Variants in HAVCR2 observed in about 807,000 individuals in gnomAD.
The protein encoded by HAVCR2 is hepatitis A virus cellular receptor 2.
HAVCR2 carries 13 observed loss-of-function variants against 24.7 expected under a neutral mutation model. The observed-to-expected ratio is 0.53, with a 90% CI of 0.34 to 0.84. HAVCR2 has a LOEUF of 0.84. Among genes scored for constraint, HAVCR2 ranks in the 40% least tolerant of loss-of-function variants. The pLI is 0.01. For synonymous variants in HAVCR2, 154 were observed against 143.4 expected, an observed-to-expected ratio of 1.07 and a Z score of -0.53; for missense variants, 343 against 371.2, an observed-to-expected ratio of 0.92 and a Z score of 0.62.
In HAVCR2 at chr5:157,092,722, A is replaced by G. The variant is rs561907780; in HGVS notation, c.676+2584T>C. Among the ~76,000 whole-genome samples, 169 of 151,862 alleles carry G rather than the reference A, an allele frequency of 1.1e-3. 1 individual carries two copies. Among genetic ancestry groups the G allele is most frequent in the South Asian group, 5.8e-3 (28 of 4,814 alleles). On this transcript the variant is annotated intron_variant, in intron 5 of 6. Coordinates refer to ENST00000307851, the MANE Select transcript of HAVCR2 (RefSeq NM_032782.5). Reference sequence around the variant, plus strand: ...CGGCCTCCCAAAGTGCTAGGATTACAGGCGTAAGCCACCGTGCTCAGCCTC... The same window carrying G: ...CGGCCTCCCAAAGTGCTAGGATTACGGGCGTAAGCCACCGTGCTCAGCCTC...
intron 4 of HAVCR2, among the ~76,000 whole-genome samples, chr5:157,098,555 C>G (rs190128154): frequency 1.1e-4 from 17 of 152,216 alleles, no homozygotes; most frequent in African/African-American, 3.9e-4. Context: ...AATCTTTGAA[C>G]CTTCCACAGG....
chr5:157,092,405 T>C (rs1288098848), intron 5 of HAVCR2, among the ~76,000 whole-genome samples: 1 of 151,978 alleles, frequency 6.6e-6, no homozygotes, highest in Admixed American at 6.6e-5. Context: ...GAGACCAGCT[T>C]GAGCAACATA....
At chr5:157,094,933 G>A (rs1757072273) in intron 5 of HAVCR2, among the ~76,000 whole-genome samples, 1 of 152,138 alleles carries the variant, frequency 6.6e-6, no homozygotes, top group African/African-American at 2.4e-5. Flanking sequence ...ATGAATTAAA[G>A]AAATTAGTTT....
chr5:157,096,636 G>A (rs1245216097), intron 4 of HAVCR2, among the ~76,000 whole-genome samples: 15 of 152,054 alleles, frequency 9.9e-5, no homozygotes. Context: ...AATTAGCCAG[G>A]TGTGGTGGCG....
At chr5:157,096,134 G>A (rs1466353069) in intron 4 of HAVCR2, among the ~76,000 whole-genome samples, 1 of 148,782 alleles carries the variant, frequency 6.7e-6, no homozygotes, top group Non-Finnish European at 1.5e-5. Flanking sequence ...GCTGAGGCAG[G>A]AGAATCACTT....
rs894414229 is a variant in HAVCR2, at chr5:157,085,848, T to G, written c.*1254A>C. On this transcript the variant is annotated 3_prime_UTR_variant, in exon 7 of 7. Coordinates refer to ENST00000307851, the MANE Select transcript of HAVCR2 (RefSeq NM_032782.5). ...CAAACAAAAAACAGTAAAAAAAAAT[T>G]TTTAGTAAGTTCCAATTGTGTGTCA... The G allele has an allele frequency of 6.6e-6, 1 of 151,960 alleles. No homozygotes were observed. The highest frequency in any genetic ancestry group is 2.1e-4 in the South Asian group (1 of 4,810). The allele number at this position is 151,960 out of a possible 1,614,324, so 9.4% of individuals were successfully genotyped here. A position where few individuals can be genotyped will look rare whatever the true frequency, so the allele number is the denominator to read the frequency against.
chr5:157,106,474 G>A, intron 2 of HAVCR2, 153 bp downstream of exon 2: 1 of 638,408 alleles, frequency 1.6e-6, no homozygotes. Context: ...AAATATCACT[G>A]AGCATCACCA....
intron 3 of HAVCR2, among the ~76,000 whole-genome samples, chr5:157,100,046 C>T (rs1339877376): frequency 6.6e-6 from 1 of 152,162 alleles, no homozygotes; most frequent in Admixed American, 6.5e-5. Flanking sequence ...AGAAGGGAGA[C>T]AGGGTTGCCA....
chr5:157,089,206 A>G (rs1561618752), intron 5 of HAVCR2, among the ~76,000 whole-genome samples: 1 of 152,226 alleles, frequency 6.6e-6, no homozygotes, highest in South Asian at 2.1e-4. Context: ...GACCTCTACT[A>G]TGTGTCTGGC....
At chr5:157,098,708 G>T in intron 4 of HAVCR2, 150 bp downstream of exon 4, 1 of 701,590 alleles carries the variant, frequency 1.4e-6, no homozygotes. Context: ...GGTTAGAACT[G>T]TCATCATCAA....
At chr5:157,097,370 T>C (rs1055335830) in intron 4 of HAVCR2, among the ~76,000 whole-genome samples, 6 of 150,724 alleles carry the variant, frequency 4.0e-5, no homozygotes, top group African/African-American at 1.5e-4. Flanking sequence ...TCCTCCTGCC[T>C]CAGCCTCCCA....
intron 5 of HAVCR2, among the ~76,000 whole-genome samples, chr5:157,092,556 C>A (rs1194701559): frequency 6.6e-6 from 1 of 151,980 alleles, no homozygotes; most frequent in Non-Finnish European, 1.5e-5. Flanking sequence ...AAGTGATTCT[C>A]CCACCTCAGC....
Position 157,106,912 on chromosome 5 carries a change from G to A in HAVCR2, c.109C>T (p.Pro37Ser). Residue 37 changes from proline to serine, a missense_variant, in exon 2 of 7, where the codon CCC becomes TCC. Physicochemically the swap from Pro to Ser is moderately conservative, Grantham distance 74. Transcript: ENST00000307851. ...GGGGCGGCTGGGGTGTAGAAGCAGG[G>A]CAGATAGGCATTCTGACCGACCTCC... ...RAEVGQNAYL[P>S]CFYTPAAPGN... 6.2e-7 allele frequency: 1 copy of A among 1,614,182 alleles called. No homozygotes were observed. Among genetic ancestry groups the A allele is most frequent in the Non-Finnish European group, 8.5e-7 (1 of 1,180,028 alleles).
chr5:157,109,020 T>C lies in HAVCR2; in HGVS notation c.-37A>G. The C allele has an allele frequency of 6.3e-7, 1 of 1,593,086 alleles. No individual in the cohort carries two copies. Among genetic ancestry groups the C allele is most frequent in the South Asian group, 1.1e-5 (1 of 90,624 alleles). ...AAGAAAAGTCAGAGGACACCTCTGT[T>C]AGGCACAGTTTTAACTCTCCAAATG... is the stretch of plus-strand genomic sequence containing the variant. On this transcript the variant is annotated 5_prime_UTR_variant, in exon 1 of 7. Coordinates refer to ENST00000307851, the MANE Select transcript of HAVCR2 (RefSeq NM_032782.5).
intron 3 of HAVCR2, among the ~76,000 whole-genome samples, chr5:157,100,186 TAG>T: frequency 6.6e-6 from 1 of 152,214 alleles, no homozygotes; most frequent in Non-Finnish European, 1.5e-5. Flanking sequence ...GCTTCTAAAG[TAG>T]AGACTGTTAG....
At chr5:157,099,030 C>A in intron 3 of HAVCR2, 129 bp from the exon 4 acceptor site, 1 of 780,714 alleles carries the variant, frequency 1.3e-6, no homozygotes, top group Admixed American at 3.2e-5. Flanking sequence ...GAATTCTACT[C>A]CGTACTTGTC....
chr5:157,092,865 A>G (rs1581756289), intron 5 of HAVCR2, among the ~76,000 whole-genome samples: 1 of 133,006 alleles, frequency 7.5e-6, no homozygotes, highest in African/African-American at 2.9e-5. Flanking sequence ...ACATGGCAAA[A>G]CCCTGTCTCT....
chr5:157,087,381 A>G, intron 6 of HAVCR2, 87 bp from the exon 7 acceptor site: 5 of 1,136,862 alleles, frequency 4.4e-6, no homozygotes, highest in Non-Finnish European at 6.2e-6. Flanking sequence ...CCAAAGAGAC[A>G]GCAACTAAAT....
At chr5:157,108,378 G>A (rs942035829) in intron 1 of HAVCR2, among the ~76,000 whole-genome samples, 6 of 152,124 alleles carry the variant, frequency 3.9e-5, no homozygotes, top group East Asian at 1.9e-4. Context: ...CAGCTACTCC[G>A]GTGCCTAAGG....
Sources: allele counts gnomAD v4.1 joint callset (sites outside exome capture counted in the v4.1 genomes callset), GRCh38; gene constraint gnomAD v4.1.1; transcripts MANE v1.5; gene names NCBI Gene and HGNC (gene_info 2026-07-23, HGNC 2026-07-21).